TEAD3: variants seen among roughly 807,000 people sequenced by gnomAD.
TEAD3 encodes transcriptional enhancer factor TEF-5.
Under a neutral mutation model 55.6 loss-of-function variants are expected in TEAD3, and 15 were observed. The observed-to-expected ratio is 0.27, with a 90% confidence interval of 0.18 to 0.42. The LOEUF is 0.42. TEAD3 is among the 10% of genes least tolerant of loss of function. TEAD3 has a pLI of 1.00. For synonymous variants in TEAD3, 210 were observed against 232.2 expected, an observed-to-expected ratio of 0.90 and a Z score of 0.87; for missense variants, 407 against 576.8, an observed-to-expected ratio of 0.71 and a Z score of 3.01.
intron 8 of TEAD3, 108 bp from the exon 9 acceptor site, chr6:35,476,543 G>T (rs1020458844): frequency 7.1e-6 from 10 of 1,414,466 alleles, no homozygotes; most frequent in Middle Eastern, 2.6e-4. Flanking sequence ...ACATGAGTTG[G>T]ATTTTGACTC....
rs1180797709 is a variant in TEAD3 at position 35,483,909 on chromosome 6, G to A, written c.267+651C>T. Among the ~76,000 whole-genome samples, 1 of 152,122 alleles carries A rather than the reference G, an allele frequency of 6.6e-6. No individual in the cohort carries two copies. Among genetic ancestry groups the A allele is most frequent in the Admixed American group, 6.5e-5 (1 of 15,272 alleles). On this transcript the variant is annotated intron_variant, in intron 3 of 12. Transcript: ENST00000639578. This position sits in a 1 kb window ranked among gnomAD's most constrained non-coding sequence, Gnocchi z 4.5. ...GACAATTACTGTACCTATCTAGTAA[G>A]GTTACTGAGAGGATGAAATAAATTA... is the stretch of plus-strand genomic sequence containing the variant.
chr6:35,483,881 A>ATT lies in TEAD3; in HGVS notation c.267+678_267+679insAA, dbSNP rs1446298581. Reference sequence around the variant, plus strand: ...TATGCATCAGTTTCCTCATAGTAAAAAAGACAATTACTGTACCTATCTAGT... The same window carrying ATT: ...TATGCATCAGTTTCCTCATAGTAAAATTAAGACAATTACTGTACCTATCTAGT... On this transcript the variant is annotated intron_variant, in intron 3 of 12. Coordinates refer to ENST00000639578, the Ensembl canonical transcript of TEAD3. The surrounding 1 kb of genome is among the most constrained non-coding windows in gnomAD (Gnocchi z 4.5). 6.6e-6 allele frequency among the ~76,000 whole-genome samples: 1 copy of ATT among 152,124 alleles called. No individual in the cohort carries two copies. Among genetic ancestry groups the ATT allele is most frequent in the Non-Finnish European group, 1.5e-5 (1 of 68,024 alleles).
exon 6 of TEAD3, chr6:35,478,472 A>G: frequency 4.3e-6 from 7 of 1,613,016 alleles, no homozygotes; most frequent in Non-Finnish European, 5.1e-6. Context: ...GGCAGAGGGG[A>G]AGGTGGGCTG....
In TEAD3 at chr6:35,481,722, C is replaced by G. The variant is rs375938382; in HGVS notation, c.268-1600G>C. On this transcript the variant is annotated intron_variant, in intron 3 of 12. Coordinates refer to ENST00000639578, the Ensembl canonical transcript of TEAD3. ...TAAGCTGTCACACGGCTGAGTGCTA[C>G]AGCCAGGATTCAAACCCAGGCGGTC... Among the ~76,000 whole-genome samples the G allele has an allele frequency of 5.3e-5, 8 of 152,318 alleles. No homozygotes were observed. The East Asian group carries it at 7.7e-4, about 15-fold the overall frequency.
chr6:35,482,359 G>T (rs1768282556), intron 3 of TEAD3, among the ~76,000 whole-genome samples: 1 of 152,202 alleles, frequency 6.6e-6, no homozygotes. Flanking sequence ...CCAGAGGACA[G>T]ATCCCCTTTC....
exon 6 of TEAD3, chr6:35,478,435 C>T (rs755680286): frequency 4.3e-6 from 7 of 1,613,608 alleles, no homozygotes; most frequent in South Asian, 2.2e-5. Context: ...CCCATGTACC[C>T]GCGAGGAAGT....
At chr6:35,490,639 C>CGGG (rs984238986) in intron 1 of TEAD3, among the ~76,000 whole-genome samples, 19 of 152,194 alleles carry the variant, frequency 1.2e-4, no homozygotes, top group African/African-American at 4.3e-4. Context: ...GGGGCTGGAC[C>CGGG]GGGGTCTCAG....
At position 35,475,035 on chromosome 6, in the gene TEAD3, G is replaced by A; in HGVS notation, c.*9C>T. On this transcript the variant is annotated 3_prime_UTR_variant, in exon 13 of 13. Transcript: ENST00000639578. The surrounding 1 kb of genome is among the most constrained non-coding windows in gnomAD (Gnocchi z 5.4). ...CACCCTGCATCCTTAAGGAGGCGCAGAGGGCACCCTAGTCTTTGACGAGCT... is the reference window on the plus strand; with the variant it reads ...CACCCTGCATCCTTAAGGAGGCGCAAAGGGCACCCTAGTCTTTGACGAGCT... The A allele has an allele frequency of 6.4e-7, 1 of 1,558,398 alleles. No homozygotes were observed. The highest frequency in any genetic ancestry group is 8.7e-7 in the Non-Finnish European group (1 of 1,151,158).
At chr6:35,477,193 A>T in intron 8 of TEAD3, 118 bp downstream of exon 8, 2 of 1,044,444 alleles carry the variant, frequency 1.9e-6, no homozygotes, top group Non-Finnish European at 2.9e-6. Context: ...GGCCTGTCCC[A>T]ATCTCCTGTA....
intron 4 of TEAD3, chr6:35,480,025 T>C: frequency 1.4e-6 from 2 of 1,463,934 alleles, no homozygotes; most frequent in Non-Finnish European, 1.8e-6. Context: ...AGGAGGGTGC[T>C]GGGCAGGCCA....
chr6:35,487,189 G>A (rs1157486207), intron 1 of TEAD3, among the ~76,000 whole-genome samples: 1 of 152,184 alleles, frequency 6.6e-6, no homozygotes, highest in Non-Finnish European at 1.5e-5. Context: ...GGAGGCCGAG[G>A]TGGGTGGATC....
intron 3 of TEAD3, among the ~76,000 whole-genome samples, chr6:35,480,598 T>C (rs1212767734): frequency 6.6e-6 from 1 of 152,204 alleles, no homozygotes; most frequent in Non-Finnish European, 1.5e-5. Context: ...CGAGTAGCTA[T>C]GACTATAGGC....
intron 1 of TEAD3, among the ~76,000 whole-genome samples, chr6:35,490,232 G>A (rs1393187208): frequency 5.9e-5 from 9 of 152,304 alleles, no homozygotes; most frequent in East Asian, 5.8e-4. Context: ...CGCCCCCCGC[G>A]GGAGCACTGT....
chr6:35,490,097 C>T (rs1159038066), intron 1 of TEAD3, among the ~76,000 whole-genome samples: 2 of 152,094 alleles, frequency 1.3e-5, no homozygotes, highest in Non-Finnish European at 2.9e-5. Flanking sequence ...AGGCCTCCCT[C>T]GAGCAGCAGC....
intron 4 of TEAD3, among the ~76,000 whole-genome samples, chr6:35,479,694 C>T (rs533581261): frequency 6.6e-6 from 1 of 152,204 alleles, no homozygotes; most frequent in African/African-American, 2.4e-5. Context: ...CTCTGAGATC[C>T]GCAGCTGCAG....
intron 1 of TEAD3, among the ~76,000 whole-genome samples, chr6:35,493,825 G>A (rs1346405951): frequency 5.3e-5 from 8 of 152,204 alleles, no homozygotes; most frequent in Non-Finnish European, 7.3e-5. Flanking sequence ...TCCTTCACAC[G>A]CAGGTCACTT....
At position 35,493,976 on chromosome 6, in the gene TEAD3, G is replaced by A. The variant is rs748510491; in HGVS notation, c.-50+2922C>T. Among the ~76,000 whole-genome samples, 7 of 152,114 alleles carry A rather than the reference G, an allele frequency of 4.6e-5. No homozygotes were observed. The East Asian group carries it at 7.7e-4, about 17-fold the overall frequency. On this transcript the variant is annotated intron_variant, in intron 1 of 12. Transcript: ENST00000639578. ...GCAGGTTCTCAGGTACAGAGGTGGC[G>A]GCACACCTGGACACATGAAGAGTCA... is the stretch of plus-strand genomic sequence containing the variant.
In TEAD3 at chr6:35,475,891, T is replaced by C. The variant is rs752394312; in HGVS notation, c.900+28A>G. ...CACCTCTGGGGTGGGGAAGGGGGCT[T>C]GGAGCAGAGAAGGCCAGGGGGACTC... On this transcript the variant is annotated intron_variant, in intron 10 of 12. Transcript: ENST00000639578. This position sits in a 1 kb window ranked among gnomAD's most constrained non-coding sequence, Gnocchi z 5.4. 9 of 1,511,438 alleles carry C rather than the reference T, an allele frequency of 6.0e-6. No homozygotes were observed. Among genetic ancestry groups the C allele is most frequent in the Non-Finnish European group, 4.4e-6 (5 of 1,131,960 alleles). 93.6% of individuals were successfully genotyped at this position (1,511,438 alleles called of 1,614,324 possible).
chr6:35,478,289 A>G (rs1389516034), exon 7 of TEAD3: 7 of 1,613,670 alleles, frequency 4.3e-6, no homozygotes, highest in Non-Finnish European at 5.9e-6. Context: ...GAGAGGGTCC[A>G]GGCTGCTGTC....
Sources: gnomAD v4.1 joint callset for allele counts (sites outside exome capture counted in the v4.1 genomes callset) on GRCh38, gnomAD v4.1.1 for gene constraint, Gnocchi (gnomAD v3.1) non-coding constraint, MANE v1.5 for transcripts, NCBI Gene and HGNC (gene_info 2026-07-23, HGNC 2026-07-21) for gene names.